The following WDR72 variants were observed in gnomAD, a reference collection of about 807,000 sequenced individuals.
The protein encoded by WDR72 is WD repeat domain 72, also known as WD repeat-containing protein 72.
Under a neutral mutation model 124.2 loss-of-function variants are expected in WDR72, and 120 were observed. That is an observed-to-expected ratio of 0.97 (90% CI 0.83 to 1.12). WDR72 has a LOEUF of 1.12. WDR72 is among the 50% of genes most tolerant of loss of function. WDR72 has a pLI of 0.00. For synonymous variants in WDR72, 452 were observed against 441.7 expected (o/e 1.02, Z -0.29); for missense variants, 1,387 against 1,278.8 (o/e 1.08, Z -1.29).
At chr15:53,605,138 C>T (rs1040890459) in intron 17 of WDR72, among the ~76,000 whole-genome samples, 1 of 152,180 alleles carries the variant, frequency 6.6e-6, no homozygotes, top group Admixed American at 6.6e-5. Flanking sequence ...CTCATATACT[C>T]CATGGAATAC....
intron 13 of WDR72, among the ~76,000 whole-genome samples, chr15:53,669,696 A>G (rs1331819638): frequency 1.3e-5 from 2 of 152,240 alleles, no homozygotes; most frequent in Non-Finnish European, 2.9e-5. Context: ...TTAAACTATT[A>G]GAGAACATCT....
rs537857277 is a variant in WDR72, at chr15:53,679,504, C to T, written c.1766-13736G>A. Among the ~76,000 whole-genome samples, 3 of 152,120 alleles carry T rather than the reference C, an allele frequency of 2.0e-5. No individual in the cohort carries two copies. The East Asian group carries it at 5.8e-4, about 29-fold the overall frequency. The stretch of plus-strand genomic sequence containing the variant: ...CTGAGAAAGAGGGACCATTGGCCAT[C>T]AGGAGAAGGCAGTGTCATATGAGGC... On this transcript the variant is annotated intron_variant, in intron 13 of 19. Coordinates refer to ENST00000360509, the MANE Select transcript of WDR72 (RefSeq NM_182758.4).
intron 11 of WDR72, among the ~76,000 whole-genome samples, chr15:53,703,228 T>C (rs2017239910): frequency 6.6e-6 from 1 of 152,186 alleles, no homozygotes; most frequent in African/African-American, 2.4e-5. Context: ...ATTCTTTAAA[T>C]TAGAATGACT....
chr15:53,629,921 G>A (rs2014357476), intron 14 of WDR72, among the ~76,000 whole-genome samples: 1 of 152,126 alleles, frequency 6.6e-6, no homozygotes, highest in Admixed American at 6.5e-5. Context: ...TCCCTGAGGA[G>A]TCCCATTTAC....
intron 1 of WDR72, among the ~76,000 whole-genome samples, chr15:53,756,043 C>T (rs7176142): frequency 0.024 from 3,579 of 152,248 alleles, 141 homozygotes; most frequent in African/African-American, 0.082. Flanking sequence ...GTGTTCTAAT[C>T]TATACTAAAG....
At position 53,710,929 on chromosome 15, in the gene WDR72, A is replaced by C. The variant is rs1567042341; in HGVS notation, c.882T>G (p.Pro294=). The C allele has an allele frequency of 6.2e-7, 1 of 1,613,796 alleles. No individual in the cohort carries two copies. The highest frequency in any genetic ancestry group is 1.1e-5 in the South Asian group (1 of 91,080). The change falls in exon 9 of 20, where the codon CCT becomes CCG. Residue 294 remains proline, a synonymous_variant. Coordinates refer to ENST00000360509, the MANE Select transcript of WDR72 (RefSeq NM_182758.4). ...TCTCTTTAAGCACTCTTCCATCAGC[A>C]GGGTATATGCTTTTTGAAAGCCCAC... ...LNSGLSKSIY[P]ADGRVLKETI...
At chr15:53,711,898 G>A (rs2017550048) in intron 7 of WDR72, among the ~76,000 whole-genome samples, 1 of 152,160 alleles carries the variant, frequency 6.6e-6, no homozygotes, top group African/African-American at 2.4e-5. Context: ...AAGTAAGACT[G>A]TATAGTTTTG....
At chr15:53,726,252 ATATG>A (rs1440403355) in intron 2 of WDR72, among the ~76,000 whole-genome samples, 8 of 91,530 alleles carry the variant, frequency 8.7e-5, no homozygotes, top group Non-Finnish European at 8.9e-5. Flanking sequence ...GTGTATATAT[ATATG>A]TATGTGTGTA....
intron 13 of WDR72, among the ~76,000 whole-genome samples, chr15:53,668,029 G>A (rs185284378): frequency 2.5e-4 from 38 of 152,256 alleles, no homozygotes; most frequent in African/African-American, 8.9e-4. Flanking sequence ...TAGTATTTAA[G>A]AATGACTCAG....
chr15:53,683,486 T>C (rs974177602), intron 13 of WDR72, among the ~76,000 whole-genome samples: 3 of 152,080 alleles, frequency 2.0e-5, no homozygotes, highest in South Asian at 2.1e-4. Context: ...CCATACAAAA[T>C]TTTTTAAAAT....
intron 18 of WDR72, among the ~76,000 whole-genome samples, chr15:53,570,183 C>A (rs1047726701): frequency 6.6e-6 from 1 of 151,272 alleles, no homozygotes. Context: ...TTATTGGGCA[C>A]AACATGATGT....
intron 18 of WDR72, among the ~76,000 whole-genome samples, chr15:53,560,558 T>C (rs1894091153): frequency 6.6e-6 from 1 of 151,878 alleles, no homozygotes; most frequent in Non-Finnish European, 1.5e-5. Context: ...ATGACCCCGA[T>C]ACACCAGGTT....
At chr15:53,722,376 G>A (rs893870381) in intron 3 of WDR72, among the ~76,000 whole-genome samples, 1 of 152,146 alleles carries the variant, frequency 6.6e-6, no homozygotes, top group Non-Finnish European at 1.5e-5. Flanking sequence ...ACAACATGAA[G>A]ACTGTAACTA....
chr15:53,669,629 A>G (rs1406238654), intron 13 of WDR72, among the ~76,000 whole-genome samples: 1 of 152,196 alleles, frequency 6.6e-6, no homozygotes, highest in African/African-American at 2.4e-5. Context: ...ATGATGCAGA[A>G]TGTTTCCTTA....
At chr15:53,523,638 A>G (rs1362267629) in intron 18 of WDR72, among the ~76,000 whole-genome samples, 2 of 152,052 alleles carry the variant, frequency 1.3e-5, no homozygotes, top group East Asian at 3.9e-4. Flanking sequence ...CTAAAACAAT[A>G]TAGTCAATTA....
chr15:53,693,713 T>C (rs1051793519), intron 13 of WDR72, among the ~76,000 whole-genome samples: 1 of 152,236 alleles, frequency 6.6e-6, no homozygotes, highest in Non-Finnish European at 1.5e-5. Context: ...TTTTGACTTC[T>C]TACTGGCAAG....
At chr15:53,699,728 A>T (rs756178126) in intron 13 of WDR72, 22 bp downstream of exon 13, 10 of 1,611,230 alleles carry the variant, frequency 6.2e-6, no homozygotes, top group Non-Finnish European at 8.5e-6. Flanking sequence ...TAAAGAATGA[A>T]AGGGATAAAA....
intron 3 of WDR72, among the ~76,000 whole-genome samples, chr15:53,720,350 T>G (rs1344866574): frequency 6.6e-6 from 1 of 152,148 alleles, no homozygotes; most frequent in Admixed American, 6.6e-5. Context: ...ATCGCGTGTG[T>G]GTGAATGGGT....
intron 16 of WDR72, among the ~76,000 whole-genome samples, chr15:53,612,923 G>C (rs564684462): frequency 6.6e-6 from 1 of 151,864 alleles, no homozygotes; most frequent in Admixed American, 6.6e-5. Flanking sequence ...GGAAGGTTGA[G>C]GGGGATGGAG....
Sources: allele counts gnomAD v4.1 joint callset (sites outside exome capture counted in the v4.1 genomes callset), GRCh38; gene constraint gnomAD v4.1.1; transcripts MANE v1.5; gene names NCBI Gene and HGNC (gene_info 2026-07-23, HGNC 2026-07-21).